MALRD1: variants seen among roughly 807,000 people sequenced by gnomAD.
The protein encoded by MALRD1 is MAM and LDL-receptor class A domain-containing protein 1.
MALRD1 carries 247 observed loss-of-function variants against 242.1 expected under a neutral mutation model. The observed-to-expected ratio is 1.02, with a 90% CI of 0.92 to 1.13. The LOEUF (loss-of-function observed/expected upper bound fraction) is 1.13, where lower values mean the gene tolerates loss of function less well. Among genes scored for constraint, MALRD1 ranks in the 50% most tolerant of loss-of-function variants. The probability of loss-of-function intolerance (pLI) is 0.00; values close to 1 mark genes in which losing one functional copy is unlikely to be tolerated. For synonymous variants in MALRD1, 995 were observed against 866.6 expected (o/e 1.15, Z -2.60); for missense variants, 2,989 against 2,533.1 (o/e 1.18, Z -3.86).
At chr10:19,521,729 A>T (rs1833894177) in intron 31 of MALRD1, among the ~76,000 whole-genome samples, 1 of 152,138 alleles carries the variant, frequency 6.6e-6, no homozygotes, top group Non-Finnish European at 1.5e-5. Flanking sequence ...ATATGTATTT[A>T]ATACTACTGA....
intron 29 of MALRD1, among the ~76,000 whole-genome samples, chr10:19,457,600 G>C (rs1835725612): frequency 6.6e-6 from 1 of 151,684 alleles, no homozygotes; most frequent in African/African-American, 2.4e-5. Flanking sequence ...CTAAGACCGG[G>C]CTGTTCTAGA....
intron 36 of MALRD1, among the ~76,000 whole-genome samples, chr10:19,673,775 T>C (rs1842026245): frequency 6.6e-6 from 1 of 152,154 alleles, no homozygotes; most frequent in South Asian, 2.1e-4. Flanking sequence ...TGATTTATAA[T>C]GTCTCTTTAA....
At chr10:19,607,950 A>C in intron 35 of MALRD1, 48 bp downstream of exon 35, 1 of 1,538,556 alleles carries the variant, frequency 6.5e-7, no homozygotes, top group Non-Finnish European at 8.8e-7. Flanking sequence ...CCAGCAACTT[A>C]ACCTGCAACA....
At position 19,144,754 on chromosome 10, in the gene MALRD1, T is replaced by C. The variant is rs569011674; in HGVS notation, c.1412-1444T>C. On this transcript the variant is annotated intron_variant, in intron 10 of 39. Coordinates refer to ENST00000454679, the MANE Select transcript of MALRD1 (RefSeq NM_001142308.3). ...AGTCTAGATGTTCCATTTACTAAAATGTACCACAAGCAAGTTGCTTCATGT... is the reference window on the plus strand; with the variant it reads ...AGTCTAGATGTTCCATTTACTAAAACGTACCACAAGCAAGTTGCTTCATGT... Among the ~76,000 whole-genome samples the C allele has an allele frequency of 6.5e-4, 99 of 152,220 alleles. 3 individuals are homozygous for C. The highest frequency in any genetic ancestry group is 4.3e-4 in the Non-Finnish European group (29 of 68,036).
chr10:19,133,523 T>G (rs1833195506), intron 8 of MALRD1, among the ~76,000 whole-genome samples: 1 of 152,222 alleles, frequency 6.6e-6, no homozygotes, highest in African/African-American at 2.4e-5. Flanking sequence ...TGTTATTGAG[T>G]TCAACATTTT....
In MALRD1 at chr10:19,387,602, G is replaced by A. The variant is rs756052357; in HGVS notation, c.4516G>A (p.Asp1506Asn). The A allele has an allele frequency of 1.3e-6, 2 of 1,550,260 alleles. No individual in the cohort carries two copies. The highest frequency in any genetic ancestry group is 1.7e-6 in the Non-Finnish European group (2 of 1,146,888). ...YRLEQSCNFV[D>N]NCGDNTDENE... ...GCTGGAACAAAGCTGTAACTTCGTA[G>A]ATAACTGTGGAGATAATACTGATGA... Residue 1506 changes from aspartate (D) to asparagine (N), a missense_variant, in exon 27 of 40, where the codon GAT (aspartate) becomes AAT (asparagine). Asp to Asn is a conservative substitution (Grantham distance 23). Coordinates refer to ENST00000454679, the MANE Select transcript of MALRD1 (RefSeq NM_001142308.3).
intron 4 of MALRD1, among the ~76,000 whole-genome samples, chr10:19,096,556 A>G (rs1055128065): frequency 6.6e-6 from 1 of 152,198 alleles, no homozygotes; most frequent in South Asian, 2.1e-4. Flanking sequence ...GCAAGTGAGC[A>G]GATGTTCATT....
intron 18 of MALRD1, among the ~76,000 whole-genome samples, chr10:19,252,293 T>C (rs1397610135): frequency 6.6e-6 from 1 of 152,040 alleles, no homozygotes; most frequent in East Asian, 1.9e-4. Flanking sequence ...AACGAAACTG[T>C]TATGGACTGG....
At chr10:19,479,256 T>C (rs959998270) in intron 29 of MALRD1, among the ~76,000 whole-genome samples, 3 of 152,202 alleles carry the variant, frequency 2.0e-5, no homozygotes, top group Non-Finnish European at 4.4e-5. Flanking sequence ...AAATGCACCA[T>C]TGTATAGCAT....
At position 19,199,813 on chromosome 10, in the gene MALRD1, T is replaced by TAAAATA. The variant is rs1554809318; in HGVS notation, c.1952-3912_1952-3911insATAAAA. On this transcript the variant is annotated intron_variant, in intron 14 of 39. Transcript: ENST00000454679. ...AAGACTCTGTCTCCAAATAAATAAA[T>TAAAATA]AAATAAAATAAAATAAAATAAAATA... Among the ~76,000 whole-genome samples, 4 of 148,576 alleles carry TAAAATA rather than the reference T, an allele frequency of 2.7e-5. No homozygotes were observed. In the East Asian group the frequency reaches 8.0e-4, roughly 30 times the overall value.
chr10:19,275,601 G>A (rs530014578), intron 19 of MALRD1, among the ~76,000 whole-genome samples: 1 of 152,066 alleles, frequency 6.6e-6, no homozygotes, highest in Admixed American at 6.6e-5. Flanking sequence ...CCCGGGAGGC[G>A]GAGCTTGCAG....
chr10:19,360,083 T>C (rs562254434), intron 26 of MALRD1, among the ~76,000 whole-genome samples: 1 of 152,108 alleles, frequency 6.6e-6, no homozygotes, highest in Admixed American at 6.5e-5. Flanking sequence ...ATAATTATTA[T>C]AATTATAATG....
At chr10:19,388,120 G>A (rs1797911143) in intron 27 of MALRD1, among the ~76,000 whole-genome samples, 1 of 152,064 alleles carries the variant, frequency 6.6e-6, no homozygotes, top group African/African-American at 2.4e-5. Context: ...GTGTATGGTG[G>A]TTTTCCCTAA....
intron 33 of MALRD1, among the ~76,000 whole-genome samples, chr10:19,585,537 A>G (rs1837346820): frequency 6.6e-6 from 1 of 152,046 alleles, no homozygotes; most frequent in Non-Finnish European, 1.5e-5. Context: ...TTTCTTTAAG[A>G]ATGTTGAATA....
At chr10:19,190,419 A>C (rs1262333382) in intron 14 of MALRD1, among the ~76,000 whole-genome samples, 1 of 152,152 alleles carries the variant, frequency 6.6e-6, no homozygotes, top group Non-Finnish European at 1.5e-5. Flanking sequence ...TTAAAATACC[A>C]ATCACATTTT....
intron 30 of MALRD1, among the ~76,000 whole-genome samples, chr10:19,493,863 A>G (rs1272718822): frequency 6.6e-6 from 1 of 152,050 alleles, no homozygotes; most frequent in African/African-American, 2.4e-5. Context: ...AAAAATACTG[A>G]GTGTAAGGAA....
intron 12 of MALRD1, among the ~76,000 whole-genome samples, chr10:19,165,265 A>ATATATATATATATATATATATATTTTG: frequency 7.7e-6 from 1 of 130,286 alleles, no homozygotes; most frequent in Non-Finnish European, 1.6e-5. Context: ...ATATATATAT[A>ATATATATATATATATATATATATTTTG]TTTTGTTTTG....
At chr10:19,658,172 C>A (rs1589368292) in intron 36 of MALRD1, among the ~76,000 whole-genome samples, 1 of 151,106 alleles carries the variant, frequency 6.6e-6, no homozygotes, top group Non-Finnish European at 1.5e-5. Flanking sequence ...CAAAAAAAAA[C>A]CCACTAATTT....
chr10:19,076,483 T>C (rs1835322131), intron 2 of MALRD1, among the ~76,000 whole-genome samples: 2 of 152,050 alleles, frequency 1.3e-5, no homozygotes, highest in Non-Finnish European at 2.9e-5. Flanking sequence ...AATTTTAATA[T>C]GTTATGAGGT....
Sources: gnomAD v4.1 joint callset for allele counts (sites outside exome capture counted in the v4.1 genomes callset) on GRCh38, gnomAD v4.1.1 for gene constraint, MANE v1.5 for transcripts, NCBI Gene and HGNC (gene_info 2026-07-23, HGNC 2026-07-21) for gene names.